THSD7B: variants seen among roughly 807,000 people sequenced by gnomAD.
The protein encoded by THSD7B is thrombospondin type-1 domain-containing protein 7B.
Under a neutral mutation model 213.6 loss-of-function variants are expected in THSD7B, and 138 were observed. That is an observed-to-expected ratio of 0.65 (90% CI 0.56 to 0.74). The LOEUF (loss-of-function observed/expected upper bound fraction) is 0.74, where lower values mean the gene tolerates loss of function less well. Among genes scored for constraint, THSD7B ranks in the 30% least tolerant of loss-of-function variants. The pLI is 0.00. For synonymous variants in THSD7B, 742 were observed against 687.0 expected (o/e 1.08, Z -1.25); for missense variants, 1,931 against 1,991.5 (o/e 0.97, Z 0.58).
intron 14 of THSD7B, among the ~76,000 whole-genome samples, chr2:137,432,345 C>T (rs1387911331): frequency 6.6e-6 from 1 of 152,190 alleles, no homozygotes; most frequent in African/African-American, 2.4e-5. Flanking sequence ...CAGCCGAGAT[C>T]GCGCCACTGC....
chr2:137,667,373 A>G (rs1055234860), intron 26 of THSD7B, among the ~76,000 whole-genome samples: 3 of 152,204 alleles, frequency 2.0e-5, no homozygotes, highest in African/African-American at 7.2e-5. Flanking sequence ...ATTCAGTAAA[A>G]TAAACATTTG....
At chr2:137,493,867 T>C (rs761698260) in intron 15 of THSD7B, among the ~76,000 whole-genome samples, 6 of 152,308 alleles carry the variant, frequency 3.9e-5, no homozygotes, top group Non-Finnish European at 5.9e-5. Context: ...ATGATACCCT[T>C]TGTGTCGTTT....
chr2:137,348,920 A>AAAAGT (rs2104918289), intron 12 of THSD7B, among the ~76,000 whole-genome samples: 3 of 151,616 alleles, frequency 2.0e-5, no homozygotes, highest in African/African-American at 7.2e-5. Flanking sequence ...GGAGGGTTCA[A>AAAAGT]AAACTGATAC....
At chr2:137,035,011 C>G (rs58104896) in intron 2 of THSD7B, among the ~76,000 whole-genome samples, 1 of 152,184 alleles carries the variant, frequency 6.6e-6, no homozygotes, top group African/African-American at 2.4e-5. Context: ...TGAGGAACCG[C>G]CACACTGTCT....
intron 3 of THSD7B, among the ~76,000 whole-genome samples, chr2:137,076,052 C>G (rs1249165548): frequency 6.6e-6 from 1 of 152,186 alleles, no homozygotes; most frequent in Non-Finnish European, 1.5e-5. Flanking sequence ...CTTGAGGAGG[C>G]AGTCTGCCCG....
intron 1 of THSD7B, among the ~76,000 whole-genome samples, chr2:136,796,266 A>T (rs1016679034): frequency 6.6e-6 from 1 of 152,030 alleles, no homozygotes; most frequent in Admixed American, 6.6e-5. Flanking sequence ...GGCATAGAGG[A>T]TGGCAGGCTG....
intron 10 of THSD7B, among the ~76,000 whole-genome samples, chr2:137,250,635 C>T (rs547500233): frequency 7.9e-5 from 12 of 152,212 alleles, no homozygotes; most frequent in African/African-American, 2.6e-4. Flanking sequence ...GTGTGCTAGG[C>T]GCTGTGTGTA....
chr2:136,842,645 G>A (rs1052677643), intron 1 of THSD7B, among the ~76,000 whole-genome samples: 1 of 152,138 alleles, frequency 6.6e-6, no homozygotes, highest in African/African-American at 2.4e-5. Flanking sequence ...TCTTTGAGAA[G>A]AACCTTTTTT....
At chr2:137,291,293 A>G (rs985261463) in intron 12 of THSD7B, among the ~76,000 whole-genome samples, 3 of 151,844 alleles carry the variant, frequency 2.0e-5, no homozygotes, top group Non-Finnish European at 2.9e-5. Context: ...CTCAGTATAC[A>G]CTCCCTTCTT....
chr2:137,362,595 A>T (rs577887722), intron 12 of THSD7B, among the ~76,000 whole-genome samples: 77 of 151,834 alleles, frequency 5.1e-4, no homozygotes, highest in Admixed American at 1.2e-3. Context: ...CTCGTCTCTG[A>T]CAAAAACAGT....
intron 12 of THSD7B, among the ~76,000 whole-genome samples, chr2:137,400,342 G>T (rs144856117): frequency 6.6e-6 from 1 of 151,604 alleles, no homozygotes; most frequent in Non-Finnish European, 1.5e-5. Context: ...TGATTTCTGC[G>T]CATCTAGAGC....
chr2:137,658,297 T>C (rs538962601), intron 24 of THSD7B, among the ~76,000 whole-genome samples: 3 of 152,332 alleles, frequency 2.0e-5, no homozygotes, highest in South Asian at 4.1e-4. Flanking sequence ...GAAGGCATCA[T>C]ACTCTGCAAT....
intron 2 of THSD7B, among the ~76,000 whole-genome samples, chr2:136,939,958 G>A (rs13394275): frequency 0.19 from 28,300 of 152,016 alleles, 2,770 homozygotes; most frequent in African/African-American, 0.24. Flanking sequence ...TGTGCAGAGT[G>A]CAGCACTTTT....
chr2:136,872,430 C>T (rs1683444578), intron 1 of THSD7B, among the ~76,000 whole-genome samples: 1 of 152,032 alleles, frequency 6.6e-6, no homozygotes, highest in Admixed American at 6.5e-5. Flanking sequence ...GGGAACTCTC[C>T]ATACCCTTGA....
intron 2 of THSD7B, among the ~76,000 whole-genome samples, chr2:136,886,636 T>G (rs1473503378): frequency 6.6e-6 from 1 of 152,108 alleles, no homozygotes; most frequent in Non-Finnish European, 1.5e-5. Context: ...CAATAAAGAA[T>G]TATCAGGCCC....
chr2:137,267,424 T>C (rs1490273344), intron 10 of THSD7B, among the ~76,000 whole-genome samples: 3 of 152,098 alleles, frequency 2.0e-5, no homozygotes, highest in Admixed American at 1.3e-4. Flanking sequence ...TGTAAGCGAG[T>C]GCTATTGAAA....
chr2:137,114,213 A>G (rs967669763), intron 4 of THSD7B, among the ~76,000 whole-genome samples: 9 of 152,332 alleles, frequency 5.9e-5, no homozygotes, highest in South Asian at 2.1e-4. Flanking sequence ...AGATATGTCA[A>G]TGTTACTTAG....
At chr2:137,391,329 G>A (rs1686021443) in intron 12 of THSD7B, among the ~76,000 whole-genome samples, 1 of 151,934 alleles carries the variant, frequency 6.6e-6, no homozygotes, top group African/African-American at 2.4e-5. Flanking sequence ...TTCTGATTAT[G>A]TTTATTTGGA....
At chr2:137,015,981 A>AAAACCCC (rs1686332233) in intron 2 of THSD7B, among the ~76,000 whole-genome samples, 2 of 152,176 alleles carry the variant, frequency 1.3e-5, no homozygotes, top group Non-Finnish European at 2.9e-5. Flanking sequence ...GACAGCAGTG[A>AAAACCCC]ATGGTAAAAC....
Sources: gnomAD v4.1 joint callset for allele counts (sites outside exome capture counted in the v4.1 genomes callset) on GRCh38, gnomAD v4.1.1 for gene constraint, MANE v1.5 for transcripts, NCBI Gene and HGNC (gene_info 2026-07-23, HGNC 2026-07-21) for gene names.